The following FRMD4A variants were observed in gnomAD, a reference collection of about 807,000 sequenced individuals.
FRMD4A encodes FERM domain-containing protein 4A.
Under a neutral mutation model 129.1 loss-of-function variants are expected in FRMD4A, and 29 were observed. The ratio of observed to expected loss-of-function variants is 0.22; its 90% CI spans 0.17 to 0.31. The LOEUF (loss-of-function observed/expected upper bound fraction) is 0.31. Among genes scored for constraint, FRMD4A ranks in the 10% least tolerant of loss-of-function variants. FRMD4A has a pLI of 1.00. For missense variants in FRMD4A, 1,272 were observed against 1,375.8 expected, an observed-to-expected ratio of 0.92 and a Z score of 1.19; for synonymous variants, 634 against 571.6, an observed-to-expected ratio of 1.11 and a Z score of -1.56.
At chr10:13,700,153 G>A (rs2086660994) in intron 14 of FRMD4A, among the ~76,000 whole-genome samples, 1 of 149,344 alleles carries the variant, frequency 6.7e-6, no homozygotes, top group Non-Finnish European at 1.5e-5. Context: ...TCACTATGTT[G>A]CCCAGGCTGG....
At chr10:14,289,333 G>A (rs540754906) in intron 2 of FRMD4A, among the ~76,000 whole-genome samples, 4 of 152,058 alleles carry the variant, frequency 2.6e-5, no homozygotes, top group African/African-American at 4.8e-5. Flanking sequence ...CAAATGTGAC[G>A]TGATATCATG....
intron 2 of FRMD4A, among the ~76,000 whole-genome samples, chr10:13,893,657 G>A (rs189487789): frequency 1.0e-3 from 152 of 152,202 alleles, no homozygotes; most frequent in Non-Finnish European, 1.8e-3. Flanking sequence ...GAGTAGCTGG[G>A]ATTACAGGCA....
At chr10:13,892,336 C>T (rs1420151785) in intron 2 of FRMD4A, among the ~76,000 whole-genome samples, 1 of 152,164 alleles carries the variant, frequency 6.6e-6, no homozygotes, top group African/African-American at 2.4e-5. Flanking sequence ...AATCTCCCCT[C>T]AACTCTTCAA....
At chr10:13,850,013 A>T (rs2094119148) in intron 3 of FRMD4A, among the ~76,000 whole-genome samples, 1 of 151,844 alleles carries the variant, frequency 6.6e-6, no homozygotes, top group South Asian at 2.1e-4. Flanking sequence ...TACTAAAAAT[A>T]AAAAAATAAG....
chr10:13,672,155 C>T (rs1224869785), intron 16 of FRMD4A, among the ~76,000 whole-genome samples: 1 of 152,234 alleles, frequency 6.6e-6, no homozygotes, highest in African/African-American at 2.4e-5. Context: ...TACTCCGTCA[C>T]TCGCCTGCTT....
rs1248951104 is a variant in FRMD4A, at chr10:13,646,234, C to T, written c.*804G>A. 1 of 152,658 alleles carries T rather than the reference C, an allele frequency of 6.6e-6. No homozygotes were observed. The highest frequency in any genetic ancestry group is 2.4e-5 in the African/African-American group (1 of 41,450). 9.5% of individuals were successfully genotyped at this position (152,658 alleles called of 1,614,324 possible). A position where few individuals can be genotyped will look rare whatever the true frequency, so the allele number is the denominator to read the frequency against. Reference sequence around the variant, plus strand: ...CACCAGTTTACATAGGGTTGACTTTCACTTGTGTGTAGTAGCAGTTCAGAA... The same window carrying T: ...CACCAGTTTACATAGGGTTGACTTTTACTTGTGTGTAGTAGCAGTTCAGAA... On this transcript the variant is annotated 3_prime_UTR_variant, in exon 25 of 25. Transcript: ENST00000357447.
intron 2 of FRMD4A, among the ~76,000 whole-genome samples, chr10:14,007,787 G>A (rs2131630892): frequency 6.6e-6 from 1 of 152,200 alleles, no homozygotes; most frequent in East Asian, 1.9e-4. Flanking sequence ...CATTCCAGGG[G>A]GAAGTTTCCA....
At chr10:14,139,299 G>C (rs1839710853) in intron 2 of FRMD4A, among the ~76,000 whole-genome samples, 1 of 152,100 alleles carries the variant, frequency 6.6e-6, no homozygotes, top group Non-Finnish European at 1.5e-5. Flanking sequence ...TTCTGTATTT[G>C]AGTCAACTGT....
intron 2 of FRMD4A, among the ~76,000 whole-genome samples, chr10:13,932,861 A>T (rs2095213112): frequency 1.3e-5 from 2 of 152,110 alleles, no homozygotes; most frequent in South Asian, 4.1e-4. Context: ...TGACTAGCTT[A>T]AAAAAATATT....
rs539770968 is a variant in FRMD4A, at chr10:14,014,721, C to A, written c.46-155809G>T. Among the ~76,000 whole-genome samples, 5 of 152,320 alleles carry A rather than the reference C, an allele frequency of 3.3e-5. 1 individual carries two copies. The East Asian group carries it at 5.8e-4, about 18-fold the overall frequency. ...CCAGACCTCACATGCCCAGGGGCTG[C>A]GAGATTATCTCCAGCTCACCAGTGT... On this transcript the variant is annotated intron_variant, in intron 2 of 24. Transcript: ENST00000357447.
chr10:13,839,507 T>C (rs896408126), intron 3 of FRMD4A, among the ~76,000 whole-genome samples: 1 of 152,188 alleles, frequency 6.6e-6, no homozygotes, highest in African/African-American at 2.4e-5. Flanking sequence ...AGTTGTAAAG[T>C]CCTAAGGTTT....
chr10:14,108,101 C>G (rs1031196752), intron 2 of FRMD4A, among the ~76,000 whole-genome samples: 1 of 152,182 alleles, frequency 6.6e-6, no homozygotes, highest in Non-Finnish European at 1.5e-5. Context: ...CACGGTCTCT[C>G]CAATAAAATT....
intron 2 of FRMD4A, among the ~76,000 whole-genome samples, chr10:14,130,975 C>G (rs917715048): frequency 6.6e-6 from 1 of 152,144 alleles, no homozygotes; most frequent in African/African-American, 2.4e-5. Context: ...ATGGTGGAAA[C>G]TTAGTATCCT....
chr10:14,231,647 C>G (rs1278685206), intron 2 of FRMD4A, among the ~76,000 whole-genome samples: 1 of 152,172 alleles, frequency 6.6e-6, no homozygotes, highest in African/African-American at 2.4e-5. Flanking sequence ...TGCCCGGCCT[C>G]TCATTGTGGT....
chr10:14,286,905 G>C (rs1428197257), intron 2 of FRMD4A, among the ~76,000 whole-genome samples: 1 of 151,952 alleles, frequency 6.6e-6, no homozygotes, highest in Admixed American at 6.6e-5. Context: ...CGTTGCCCCT[G>C]CTGCTGAGGC....
chr10:14,277,199 C>A (rs1010248132), intron 2 of FRMD4A, among the ~76,000 whole-genome samples: 11 of 152,156 alleles, frequency 7.2e-5, no homozygotes, highest in South Asian at 2.1e-4. Flanking sequence ...ATGAGATTCT[C>A]AGAAGAAGCC....
chr10:13,753,907 G>A (rs1482441706), intron 8 of FRMD4A, among the ~76,000 whole-genome samples: 2 of 152,104 alleles, frequency 1.3e-5, no homozygotes, highest in African/African-American at 2.4e-5. Context: ...CTTGATTACC[G>A]AGTCTCGTTT....
chr10:14,196,188 CAT>C (rs1842468620), intron 2 of FRMD4A, among the ~76,000 whole-genome samples: 2 of 151,036 alleles, frequency 1.3e-5, no homozygotes, highest in African/African-American at 4.9e-5. Flanking sequence ...CACACACACA[CAT>C]CCTTGCACCA....
rs77323112 is a variant in FRMD4A at position 14,127,413 on chromosome 10, C to T, written c.45+202645G>A. ...GTTAGTGTTCTGAGTCCCCGTCCTGCGAGGTAGACAGGAGGCCTTGCTGTA... is the reference window on the plus strand; with the variant it reads ...GTTAGTGTTCTGAGTCCCCGTCCTGTGAGGTAGACAGGAGGCCTTGCTGTA... On this transcript the variant is annotated intron_variant, in intron 2 of 24. Transcript: ENST00000357447. Among the ~76,000 whole-genome samples the T allele has an allele frequency of 1.8e-3, 278 of 152,182 alleles. 3 individuals carry two copies. In the East Asian group the frequency reaches 0.033, roughly 18 times the overall value.
Sources: gnomAD v4.1 joint callset for allele counts (sites outside exome capture counted in the v4.1 genomes callset) on GRCh38, gnomAD v4.1.1 for gene constraint, MANE v1.5 for transcripts, NCBI Gene and HGNC (gene_info 2026-07-23, HGNC 2026-07-21) for gene names.